The following ROR1 variants were observed in gnomAD, a reference collection of about 807,000 sequenced individuals.
ROR1 encodes the protein ROR family WNT receptor 1, also known as inactive tyrosine-protein kinase transmembrane receptor ROR1.
Under a neutral mutation model 78.8 loss-of-function variants are expected in ROR1, and 19 were observed. The observed-to-expected ratio is 0.24, with a 90% CI of 0.17 to 0.35. The LOEUF is 0.35. ROR1 is among the 10% of genes least tolerant of loss of function. The pLI is 1.00. For missense variants in ROR1, 917 were observed against 1,177.8 expected, an observed-to-expected ratio of 0.78 and a Z score of 3.24; for synonymous variants, 386 against 433.6, an observed-to-expected ratio of 0.89 and a Z score of 1.36.
chr1:63,866,858 C>T (rs1347027755), intron 1 of ROR1, among the ~76,000 whole-genome samples: 3 of 151,596 alleles, frequency 2.0e-5, no homozygotes, highest in African/African-American at 7.3e-5. Context: ...TCCAGGTGTT[C>T]TTTTACATAG....
chr1:63,963,505 G>A (rs1235939583), intron 1 of ROR1, among the ~76,000 whole-genome samples: 1 of 151,444 alleles, frequency 6.6e-6, no homozygotes, highest in Non-Finnish European at 1.5e-5. Context: ...GGAGGTGGAA[G>A]TTGCAGTGAG....
chr1:63,832,514 G>T (rs1414000050), intron 1 of ROR1, among the ~76,000 whole-genome samples: 1 of 152,108 alleles, frequency 6.6e-6, no homozygotes, highest in East Asian at 1.9e-4. Flanking sequence ...ATTTGGGTGG[G>T]GACACAGAGC....
intron 4 of ROR1, among the ~76,000 whole-genome samples, chr1:64,054,733 A>G (rs1457453240): frequency 6.6e-6 from 1 of 152,206 alleles, no homozygotes; most frequent in Non-Finnish European, 1.5e-5. Context: ...TTAATGTGTT[A>G]ATTTTCTTGG....
chr1:63,823,192 C>T (rs138691791), intron 1 of ROR1, among the ~76,000 whole-genome samples: 2 of 152,214 alleles, frequency 1.3e-5, no homozygotes, highest in East Asian at 1.9e-4. Context: ...CTCAGAGACT[C>T]GAGGACAGAT....
intron 2 of ROR1, among the ~76,000 whole-genome samples, chr1:64,048,277 G>A (rs1646799526): frequency 6.6e-6 from 1 of 152,210 alleles, no homozygotes; most frequent in African/African-American, 2.4e-5. Context: ...CTCCAGCCAT[G>A]TTTCATGCAT....
At position 63,774,297 on chromosome 1, in the gene ROR1, T is replaced by C; in HGVS notation, c.-121T>C. 1 of 494,990 alleles carries C rather than the reference T, an allele frequency of 2.0e-6. No homozygotes were observed. The highest frequency in any genetic ancestry group is 2.4e-5 in the South Asian group (1 of 42,214). 30.7% of individuals were successfully genotyped at this position (494,990 alleles called of 1,614,324 possible). A position where few individuals can be genotyped will look rare whatever the true frequency, so the allele number is the denominator to read the frequency against. On this transcript the variant is annotated 5_prime_UTR_variant, in exon 1 of 9. Transcript: ENST00000371079. This position sits in a 1 kb window ranked among gnomAD's most constrained non-coding sequence, Gnocchi z 5.7. ...AGAGGGACAAAGAGCTTTGCAGACG[T>C]CCCCGGCGTCCTGCGAGCGCCAGCG... is the stretch of plus-strand genomic sequence containing the variant.
intron 4 of ROR1, among the ~76,000 whole-genome samples, chr1:64,119,276 G>A (rs1462247653): frequency 6.6e-6 from 1 of 152,134 alleles, no homozygotes; most frequent in Non-Finnish European, 1.5e-5. Flanking sequence ...AGAGGCAGTG[G>A]AAGGGAAAGT....
At chr1:64,052,423 G>A (rs898575075) in intron 4 of ROR1, among the ~76,000 whole-genome samples, 63 of 152,272 alleles carry the variant, frequency 4.1e-4, no homozygotes, top group African/African-American at 1.5e-3. Context: ...CTTTCAGCCT[G>A]TTGTATTTGC....
chr1:63,849,662 A>G (rs112349839), intron 1 of ROR1, among the ~76,000 whole-genome samples: 5,485 of 152,280 alleles, frequency 0.036, 156 homozygotes, highest in Middle Eastern at 0.13. Flanking sequence ...GGTACCCCAC[A>G]CTACAGCCTG....
intron 4 of ROR1, among the ~76,000 whole-genome samples, chr1:64,115,208 G>A (rs1270609032): frequency 3.3e-5 from 5 of 151,780 alleles, no homozygotes; most frequent in Non-Finnish European, 2.9e-5. Context: ...CTAACTAGGT[G>A]ACCCTGGACA....
At chr1:63,985,041 A>G (rs534302044) in intron 1 of ROR1, among the ~76,000 whole-genome samples, 1 of 152,228 alleles carries the variant, frequency 6.6e-6, no homozygotes, top group Non-Finnish European at 1.5e-5. Context: ...GCTGTCATAT[A>G]TATTACTACA....
At chr1:64,066,740 C>G (rs931512723) in intron 4 of ROR1, 1 of 152,296 alleles carries the variant, frequency 6.6e-6, no homozygotes, top group South Asian at 2.1e-4. Context: ...CTTGGACTAG[C>G]CTTAAGATAC....
intron 1 of ROR1, among the ~76,000 whole-genome samples, chr1:63,912,169 G>A (rs1226526527): frequency 6.6e-6 from 1 of 151,412 alleles, no homozygotes; most frequent in East Asian, 1.9e-4. Flanking sequence ...ATGGTGGCAT[G>A]TGTCTATAGT....
intron 1 of ROR1, among the ~76,000 whole-genome samples, chr1:63,827,034 T>A (rs1286815040): frequency 6.6e-6 from 1 of 151,316 alleles, no homozygotes. Flanking sequence ...GGGACATGGA[T>A]GGTGCTGGAA....
At chr1:63,986,278 TC>T (rs1646251214) in intron 1 of ROR1, among the ~76,000 whole-genome samples, 1 of 152,200 alleles carries the variant, frequency 6.6e-6, no homozygotes, top group Non-Finnish European at 1.5e-5. Flanking sequence ...TTTCTCTTGT[TC>T]CTATAGTCAA....
chr1:63,853,446 T>G (rs374811518), intron 1 of ROR1, among the ~76,000 whole-genome samples: 3 of 152,268 alleles, frequency 2.0e-5, no homozygotes, highest in Admixed American at 6.5e-5. Context: ...GCCAACATGA[T>G]GCTCAAAGGT....
chr1:63,873,729 G>GA (rs1645266316), intron 1 of ROR1, among the ~76,000 whole-genome samples: 1 of 140,236 alleles, frequency 7.1e-6, no homozygotes, highest in African/African-American at 2.9e-5. Flanking sequence ...CATGGTTCAA[G>GA]AAAAAAGAAA....
intron 4 of ROR1, among the ~76,000 whole-genome samples, chr1:64,098,380 A>G (rs1029160062): frequency 1.3e-5 from 2 of 152,174 alleles, no homozygotes; most frequent in African/African-American, 2.4e-5. Context: ...TGCAGCAAAT[A>G]GAAAAGCATG....
chr1:64,003,466 A>G (rs1042554645), intron 1 of ROR1, among the ~76,000 whole-genome samples: 8 of 152,186 alleles, frequency 5.3e-5, no homozygotes, highest in African/African-American at 1.9e-4. Context: ...TAGAGATTGC[A>G]TCAGAAATCC....
Sources: allele counts gnomAD v4.1 joint callset (sites outside exome capture counted in the v4.1 genomes callset), GRCh38; gene constraint gnomAD v4.1.1; non-coding constraint Gnocchi (gnomAD v3.1); transcripts MANE v1.5; gene names NCBI Gene and HGNC (gene_info 2026-07-23, HGNC 2026-07-21).